MBOAT2: variants seen among roughly 807,000 people sequenced by gnomAD.
The protein encoded by MBOAT2 is membrane bound glycerophospholipid O-acyltransferase 2, also known as membrane-bound glycerophospholipid O-acyltransferase 2.
Under a neutral mutation model 63.4 loss-of-function variants are expected in MBOAT2, and 28 were observed. That is an observed-to-expected ratio of 0.44 (90% confidence interval 0.33 to 0.61). The LOEUF (loss-of-function observed/expected upper bound fraction) is 0.61, where lower values mean the gene tolerates loss of function less well. Among genes scored for constraint, MBOAT2 ranks in the 20% least tolerant of loss-of-function variants. The pLI is 0.03. For missense variants in MBOAT2, 470 were observed against 605.8 expected (o/e 0.78, Z 2.35); for synonymous variants, 211 against 215.6 (o/e 0.98, Z 0.19).
intron 10 of MBOAT2, 105 bp downstream of exon 10, chr2:8,864,065 G>T: frequency 1.3e-6 from 1 of 741,404 alleles, no homozygotes. Flanking sequence ...AGGTCACAAT[G>T]TCACTCAACA....
chr2:8,908,582 TG>T, intron 4 of MBOAT2, 38 bp downstream of exon 4: 6 of 1,147,694 alleles, frequency 5.2e-6, no homozygotes, highest in Non-Finnish European at 7.8e-6. Context: ...CTTGTTGGAA[TG>T]GATAAAACAG....
intron 7 of MBOAT2, among the ~76,000 whole-genome samples, chr2:8,875,725 G>A (rs977484413): frequency 2.0e-5 from 3 of 152,138 alleles, no homozygotes; most frequent in East Asian, 1.9e-4. Context: ...TCTTACAGCA[G>A]GGAGACCACT....
At chr2:8,945,229 T>C (rs1668332839) in intron 2 of MBOAT2, among the ~76,000 whole-genome samples, 1 of 152,140 alleles carries the variant, frequency 6.6e-6, no homozygotes, top group Non-Finnish European at 1.5e-5. Flanking sequence ...AGTTCAGCAG[T>C]AGAAAGTGAA....
Position 8,870,644 on chromosome 2 carries a change from A to T in MBOAT2, c.884-2095T>A, listed in dbSNP as rs1662245435. On this transcript the variant is annotated intron_variant, in intron 8 of 12. Coordinates refer to ENST00000305997, the MANE Select transcript of MBOAT2 (RefSeq NM_138799.4). The stretch of plus-strand genomic sequence containing the variant: ...TGGCTTCTCCACTGACAGAGTTGAA[A>T]CCTGAACCTCAGCGCTGAACCATTA... Among the ~76,000 whole-genome samples the T allele has an allele frequency of 2.0e-5, 3 of 152,130 alleles. No homozygotes were observed. The South Asian group carries it at 6.2e-4, about 32-fold the overall frequency.
intron 4 of MBOAT2, among the ~76,000 whole-genome samples, chr2:8,898,308 C>A (rs1033636379): frequency 3.3e-5 from 5 of 152,078 alleles, no homozygotes; most frequent in African/African-American, 1.2e-4. Context: ...TATAGAGGGG[C>A]CTGGCTATCT....
intron 1 of MBOAT2, among the ~76,000 whole-genome samples, chr2:8,994,796 T>C (rs780875010): frequency 6.6e-6 from 1 of 152,200 alleles, no homozygotes; most frequent in Non-Finnish European, 1.5e-5. Flanking sequence ...CAAGGAGGCA[T>C]AGGCTTTAGC....
chr2:8,996,908 C>T (rs1672349947), intron 1 of MBOAT2, among the ~76,000 whole-genome samples: 1 of 152,100 alleles, frequency 6.6e-6, no homozygotes, highest in Non-Finnish European at 1.5e-5. Flanking sequence ...TCTCGTGGCT[C>T]AAATAAGGAA....
intron 1 of MBOAT2, among the ~76,000 whole-genome samples, chr2:8,987,695 G>GA (rs1671662229): frequency 6.6e-6 from 1 of 152,090 alleles, no homozygotes; most frequent in Non-Finnish European, 1.5e-5. Flanking sequence ...ACTTTAGCTG[G>GA]ACCTGTAGGT....
chr2:8,901,086 C>T (rs550457881), intron 4 of MBOAT2, among the ~76,000 whole-genome samples: 2 of 152,134 alleles, frequency 1.3e-5, no homozygotes, highest in African/African-American at 4.8e-5. Context: ...GTCCCTGGAC[C>T]CTGCTGATCG....
At chr2:8,906,107 C>A (rs766458539) in intron 4 of MBOAT2, among the ~76,000 whole-genome samples, 22 of 152,146 alleles carry the variant, frequency 1.4e-4, no homozygotes, top group Admixed American at 1.2e-3. Context: ...TACAGGTATG[C>A]GCCACCATGC....
chr2:8,855,559 AG>A lies in MBOAT2; in HGVS notation c.*3119del, dbSNP rs1483735378. On this transcript the variant is annotated 3_prime_UTR_variant, in exon 13 of 13. Transcript: ENST00000305997. Reference sequence around the variant, plus strand: ...ATGGGCAGTAGTGGCTAATAAGAGAAGTGGTCACCAGACATTTTTGAAGCCA... The same window carrying A: ...ATGGGCAGTAGTGGCTAATAAGAGAATGGTCACCAGACATTTTTGAAGCCA... 6.6e-6 allele frequency: 1 copy of A among 152,232 alleles called. No individual in the cohort carries two copies. The highest frequency in any genetic ancestry group is 2.1e-4 in the South Asian group (1 of 4,834). The allele number at this position is 152,232 out of a possible 1,614,324, so 9.4% of individuals were successfully genotyped here. A position where few individuals can be genotyped will look rare whatever the true frequency, so the allele number is the denominator to read the frequency against.
intron 10 of MBOAT2, among the ~76,000 whole-genome samples, chr2:8,863,637 A>C (rs953277044): frequency 2.6e-5 from 4 of 151,894 alleles, no homozygotes; most frequent in Non-Finnish European, 4.4e-5. Context: ...CCTCATCCTC[A>C]CCACAGGGAA....
chr2:8,909,686 G>GA (rs1178638235), intron 3 of MBOAT2, among the ~76,000 whole-genome samples: 2 of 152,104 alleles, frequency 1.3e-5, no homozygotes, highest in African/African-American at 4.8e-5. Flanking sequence ...ATAATCTTTT[G>GA]AATTATTCCT....
Position 8,943,215 on chromosome 2 carries a change from T to A in MBOAT2, c.271A>T (p.Ile91Phe). 1 of 1,586,642 alleles carries A rather than the reference T, an allele frequency of 6.3e-7. No homozygotes were observed. The highest frequency in any genetic ancestry group is 8.6e-7 in the Non-Finnish European group (1 of 1,162,596). The change falls in exon 3 of 13, where the codon ATC (isoleucine) becomes TTC (phenylalanine). Residue 91 changes from isoleucine to phenylalanine, a missense_variant. This residue lies in a region of MBOAT2 where 376 missense variants were observed against 503.8 expected (regional missense o/e 0.75). Transcript: ENST00000305997. Reference protein sequence around the residue: ...VQSGISYCIMIIIGVENMHNY... With the variant: ...VQSGISYCIMFIIGVENMHNY... ...TGCATGTTCTCCACTCCTATGATGA[T>A]CATGATACAGTAGGAAATTCCACTT...
chr2:8,900,745 C>A (rs1341396527), intron 4 of MBOAT2, among the ~76,000 whole-genome samples: 1 of 152,186 alleles, frequency 6.6e-6, no homozygotes, highest in African/African-American at 2.4e-5. Flanking sequence ...GTGTATTCTC[C>A]TTCAATGAAA....
At chr2:8,976,817 G>T (rs2103325041) in intron 1 of MBOAT2, among the ~76,000 whole-genome samples, 1 of 152,206 alleles carries the variant, frequency 6.6e-6, no homozygotes, top group East Asian at 1.9e-4. Context: ...AGTGAATCTG[G>T]TATAGTCATA....
At chr2:8,968,041 G>T (rs62119985) in intron 1 of MBOAT2, among the ~76,000 whole-genome samples, 1 of 151,732 alleles carries the variant, frequency 6.6e-6, no homozygotes, top group Non-Finnish European at 1.5e-5. Context: ...GTGGTTCTTC[G>T]AGCACGGAGT....
chr2:8,870,908 C>A (rs964370911), intron 8 of MBOAT2, among the ~76,000 whole-genome samples: 2 of 152,108 alleles, frequency 1.3e-5, no homozygotes, highest in Non-Finnish European at 1.5e-5. Context: ...ATTCATTTTT[C>A]AAACCAAATA....
intron 2 of MBOAT2, among the ~76,000 whole-genome samples, chr2:8,946,730 AC>A (rs1439430563): frequency 2.0e-5 from 3 of 152,182 alleles, no homozygotes; most frequent in Non-Finnish European, 4.4e-5. Context: ...GTTTGGGGGC[AC>A]CACAAACTGT....
Sources: gnomAD v4.1 joint callset for allele counts (sites outside exome capture counted in the v4.1 genomes callset) on GRCh38, gnomAD v4.1.1 for gene constraint, gnomAD v4.1.1 regional missense constraint, MANE v1.5 for transcripts, NCBI Gene and HGNC (gene_info 2026-07-23, HGNC 2026-07-21) for gene names.